Variants in MEI4 observed in about 807,000 individuals in gnomAD.
MEI4 encodes meiosis-specific protein MEI4.
In MEI4, 27 loss-of-function variants were observed where a neutral mutation model predicts 31.4. That is an observed-to-expected ratio of 0.86 (90% CI 0.63 to 1.19). The LOEUF (loss-of-function observed/expected upper bound fraction) is 1.19, where lower values mean the gene tolerates loss of function less well. Ranked by LOEUF, MEI4 falls within the 50% of genes most tolerant of loss-of-function variation. MEI4 has a pLI of 0.00. For synonymous variants in MEI4, 122 were observed against 145.4 expected, an observed-to-expected ratio of 0.84 and a Z score of 1.16; for missense variants, 329 against 398.9, an observed-to-expected ratio of 0.82 and a Z score of 1.49.
chr6:77,736,904 A>G (rs1767256677), intron 2 of MEI4, among the ~76,000 whole-genome samples: 1 of 151,336 alleles, frequency 6.6e-6, no homozygotes, highest in East Asian at 1.9e-4. Flanking sequence ...AAGGATGGAT[A>G]GGATTTAGAG....
At chr6:77,858,615 G>A (rs1770794297) in intron 4 of MEI4, among the ~76,000 whole-genome samples, 1 of 151,944 alleles carries the variant, frequency 6.6e-6, no homozygotes. Flanking sequence ...AAAATTTAAG[G>A]TGGCCTTTCA....
intron 1 of MEI4, among the ~76,000 whole-genome samples, chr6:77,663,596 C>T (rs1163808778): frequency 6.6e-6 from 1 of 152,062 alleles, no homozygotes. Flanking sequence ...TAAGTTGGCA[C>T]CAGAGTTGGG....
intron 2 of MEI4, among the ~76,000 whole-genome samples, chr6:77,760,756 C>T (rs1768024130): frequency 6.6e-6 from 1 of 152,124 alleles, no homozygotes; most frequent in South Asian, 2.1e-4. Flanking sequence ...CTCAGTAAAT[C>T]TCTATGTCTG....
intron 1 of MEI4, among the ~76,000 whole-genome samples, chr6:77,680,080 G>A (rs1768924744): frequency 1.6e-5 from 2 of 122,398 alleles, no homozygotes; most frequent in South Asian, 2.7e-4. Flanking sequence ...GTACATCCTG[G>A]CTAACACGGT....
chr6:77,781,706 A>C (rs1035326701), intron 3 of MEI4, among the ~76,000 whole-genome samples: 3 of 152,250 alleles, frequency 2.0e-5, no homozygotes, highest in Middle Eastern at 6.8e-3. Context: ...TTTACAGATG[A>C]GGAAACTCTG....
intron 4 of MEI4, among the ~76,000 whole-genome samples, chr6:77,905,969 C>G (rs1766287801): frequency 6.6e-6 from 1 of 151,752 alleles, no homozygotes; most frequent in Non-Finnish European, 1.5e-5. Context: ...CTACTTGATG[C>G]ATTCTGCTAT....
At chr6:77,893,095 T>G (rs550576756) in intron 4 of MEI4, among the ~76,000 whole-genome samples, 7 of 152,100 alleles carry the variant, frequency 4.6e-5, no homozygotes, top group African/African-American at 1.7e-4. Context: ...TTCTTTCTCT[T>G]TCCATGCTTT....
At chr6:77,844,177 C>G (rs989324667) in intron 4 of MEI4, among the ~76,000 whole-genome samples, 2 of 152,094 alleles carry the variant, frequency 1.3e-5, no homozygotes, top group African/African-American at 2.4e-5. Flanking sequence ...AATGTCCCTA[C>G]TGATGCTTAT....
At chr6:77,839,818 TTAG>T (rs1770314138) in intron 4 of MEI4, among the ~76,000 whole-genome samples, 1 of 152,126 alleles carries the variant, frequency 6.6e-6, no homozygotes, top group Non-Finnish European at 1.5e-5. Context: ...ACAAAACAAC[TTAG>T]TAGTCAGTGT....
rs893459007 is a variant in MEI4, at chr6:77,925,421, A to C, written c.*2075A>C. 2 of 151,794 alleles carry C rather than the reference A, an allele frequency of 1.3e-5. No homozygotes were observed. The highest frequency in any genetic ancestry group is 4.8e-5 in the African/African-American group (2 of 41,370). 9.4% of individuals were successfully genotyped at this position (151,794 alleles called of 1,614,324 possible). A position where few individuals can be genotyped will look rare whatever the true frequency, so the allele number is the denominator to read the frequency against. ...TATATCAGAGTGAATGGTGTAGTAA[A>C]TTAGTATTAAGGTCCAAATCTACTG... On this transcript the variant is annotated 3_prime_UTR_variant, in exon 5 of 5. Transcript: ENST00000684080.
intron 3 of MEI4, among the ~76,000 whole-genome samples, chr6:77,791,684 A>AG (rs2127696237): frequency 6.7e-6 from 1 of 149,212 alleles, no homozygotes; most frequent in East Asian, 2.2e-4. Flanking sequence ...AGTATAAAAA[A>AG]AAAAAAAAGA....
chr6:77,716,155 A>G (rs16889353), intron 2 of MEI4, among the ~76,000 whole-genome samples: 14,023 of 152,288 alleles, frequency 0.092, 939 homozygotes, highest in East Asian at 0.31. Flanking sequence ...TTACAGTCAA[A>G]GGCAGAAAAC....
intron 4 of MEI4, among the ~76,000 whole-genome samples, chr6:77,861,504 C>G (rs955802749): frequency 3.3e-5 from 5 of 152,238 alleles, no homozygotes; most frequent in African/African-American, 1.2e-4. Flanking sequence ...CTGGAAAAAT[C>G]AGGCATTTAA....
chr6:77,739,741 T>A (rs1003471572), intron 2 of MEI4, among the ~76,000 whole-genome samples: 2 of 151,676 alleles, frequency 1.3e-5, no homozygotes, highest in African/African-American at 2.4e-5. Context: ...AAAAAAAAAA[T>A]AGGAAAACCA....
At chr6:77,834,420 T>C (rs1036881488) in intron 4 of MEI4, among the ~76,000 whole-genome samples, 3 of 147,824 alleles carry the variant, frequency 2.0e-5, no homozygotes, top group African/African-American at 7.3e-5. Flanking sequence ...TATTATATAT[T>C]TATAGATTAT....
chr6:77,808,370 C>T (rs1333346957), intron 3 of MEI4, among the ~76,000 whole-genome samples: 1 of 152,054 alleles, frequency 6.6e-6, no homozygotes, highest in Non-Finnish European at 1.5e-5. Context: ...CAGATGATGG[C>T]ACTAAAAAGA....
At chr6:77,908,582 G>T (rs541772886) in intron 4 of MEI4, among the ~76,000 whole-genome samples, 1 of 152,098 alleles carries the variant, frequency 6.6e-6, no homozygotes, top group East Asian at 1.9e-4. Flanking sequence ...CAGGTAGCAT[G>T]ATGCCTCCAG....
chr6:77,705,595 A>G (rs572747955), intron 2 of MEI4, among the ~76,000 whole-genome samples: 1 of 152,308 alleles, frequency 6.6e-6, no homozygotes, highest in East Asian at 1.9e-4. Context: ...CAAAACCAGC[A>G]GAGAAGTATA....
At chr6:77,740,568 A>G (rs1398026995) in intron 2 of MEI4, among the ~76,000 whole-genome samples, 2 of 152,154 alleles carry the variant, frequency 1.3e-5, no homozygotes, top group East Asian at 3.9e-4. Context: ...AATATTTTAA[A>G]ATAGCATTTC....
Sources: gnomAD v4.1 joint callset for allele counts (sites outside exome capture counted in the v4.1 genomes callset) on GRCh38, gnomAD v4.1.1 for gene constraint, MANE v1.5 for transcripts, NCBI Gene and HGNC (gene_info 2026-07-23, HGNC 2026-07-21) for gene names.